The following PCNX3 variants were observed in gnomAD, a reference collection of about 807,000 sequenced individuals.
The protein encoded by PCNX3 is pecanex 3.
PCNX3 carries 58 observed loss-of-function variants against 207.2 expected under a neutral mutation model. The observed-to-expected ratio is 0.28, with a 90% CI of 0.23 to 0.35. PCNX3 has a LOEUF of 0.35. Among genes scored for constraint, PCNX3 ranks in the 10% least tolerant of loss-of-function variants. The pLI is 1.00. For synonymous variants in PCNX3, 1,337 were observed against 1,183.5 expected, an observed-to-expected ratio of 1.13 and a Z score of -2.66; for missense variants, 2,410 against 2,774.4, an observed-to-expected ratio of 0.87 and a Z score of 2.95.
chr11:65,633,364 G>A (rs1384440704), intron 27 of PCNX3, among the ~76,000 whole-genome samples: 1 of 152,176 alleles, frequency 6.6e-6, no homozygotes, highest in Non-Finnish European at 1.5e-5. Flanking sequence ...TTTCTGAGGC[G>A]AGGCCTGATG....
chr11:65,633,090 G>A (rs376780227), intron 27 of PCNX3, among the ~76,000 whole-genome samples: 43 of 152,246 alleles, frequency 2.8e-4, no homozygotes, highest in Middle Eastern at 3.4e-3. Context: ...GGTGGTGCCT[G>A]GATTGTAGAG....
rs777607461 is a variant in PCNX3, at chr11:65,616,886, T to C, written c.216T>C (p.Ala72=). ...GCCTCGTGGTGGCTGTCATCTTTGC[T>C]ACTATCAAGACTGTCAATTATCGGC... is the stretch of plus-strand genomic sequence containing the variant. The part of the protein sequence containing the change: ...VYCLVVAVIF[A]TIKTVNYRLH... Residue 72 remains alanine (A), a synonymous_variant, in exon 2 of 35, where the codon GCT becomes GCC. Coordinates refer to ENST00000355703, the MANE Select transcript of PCNX3 (RefSeq NM_032223.4). 4.3e-6 allele frequency: 7 copies of C among 1,613,584 alleles called. No individual in the cohort carries two copies. The highest frequency in any genetic ancestry group is 1.1e-5 in the South Asian group (1 of 91,086).
In PCNX3 at chr11:65,619,835, T is replaced by C; in HGVS notation, c.1911T>C (p.Ser637=). 6.2e-7 allele frequency: 1 copy of C among 1,607,374 alleles called. No homozygotes were observed. Among genetic ancestry groups the C allele is most frequent in the South Asian group, 1.1e-5 (1 of 90,562 alleles). ...TGCCCTCTGCGCTGCATTTCGCCTC[T>C]TCACTGTTGCTCACCCGGGCCGGTG... ...LTLPSALHFA[S]SLLLTRAGAN... The change falls in exon 8 of 35, where the codon TCT becomes TCC. Residue 637 remains serine (S), a synonymous_variant. Coordinates refer to ENST00000355703, the MANE Select transcript of PCNX3 (RefSeq NM_032223.4).
In PCNX3 at chr11:65,629,845, C is replaced by T. The variant is rs572202726; in HGVS notation, c.4216+110C>T. Reference sequence around the variant, plus strand: ...TCCAGTCCAGCTCTGTCCAGGCTGGCGGGTGGCCTTGGGCAAGGCACTCCT... The same window carrying T: ...TCCAGTCCAGCTCTGTCCAGGCTGGTGGGTGGCCTTGGGCAAGGCACTCCT... On this transcript the variant is annotated intron_variant, in intron 26 of 34. Transcript: ENST00000355703. 71 of 1,269,904 alleles carry T rather than the reference C, an allele frequency of 5.6e-5. 1 individual carries two copies. In the Admixed American group the frequency reaches 7.0e-4, roughly 12 times the overall value. 78.7% of individuals were successfully genotyped at this position (1,269,904 alleles called of 1,614,324 possible). A position where few individuals can be genotyped will look rare whatever the true frequency, so the allele number is the denominator to read the frequency against.
At chr11:65,630,328 G>T in intron 26 of PCNX3, 23 bp from the exon 27 acceptor site, 2 of 1,609,810 alleles carry the variant, frequency 1.2e-6, no homozygotes, top group Non-Finnish European at 1.7e-6. Context: ...AGCAGCCCCT[G>T]ACTGCACACC....
At position 65,616,447 on chromosome 11, in the gene PCNX3, C is replaced by G; in HGVS notation, c.136C>G (p.Pro46Ala). ...LYVWIFLLIF[P>A]FLLYMVLPPS... The stretch of plus-strand genomic sequence containing the variant: ...TGTCTGGATCTTCCTGCTCATCTTT[C>G]CCTTCTTACTGTACATGGTGAGACG... The change falls in exon 1 of 35, where the codon CCC (proline) becomes GCC (alanine). Residue 46 changes from proline (P) to alanine (A), a missense_variant. Pro to Ala is a conservative substitution (Grantham distance 27). Around this residue, in one of 8 missense-constraint regions of PCNX3, gnomAD observed 1,104 missense variants for 970.3 expected, o/e 1.14. Coordinates refer to ENST00000355703, the MANE Select transcript of PCNX3 (RefSeq NM_032223.4). 1 of 1,608,460 alleles carries G rather than the reference C, an allele frequency of 6.2e-7. No individual in the cohort carries two copies.
chr11:65,627,381 C>T (rs1740122386), intron 21 of PCNX3, 24 bp from the exon 22 acceptor site: 5 of 1,601,714 alleles, frequency 3.1e-6, no homozygotes, highest in Non-Finnish European at 4.2e-6. Context: ...TACCAAGCAC[C>T]CGATGCCTGC....
Position 65,634,305 on chromosome 11 carries a change from T to C in PCNX3, c.4650T>C (p.Phe1550=). ...LRLSGLSLPS[F]CAVHLEWIQY... ...TGTCTGGCCTCTCGCTGCCCTCCTT[T>C]TGTGCTGTGCACCTCGAGTGGATCC... Residue 1550 remains phenylalanine (F), a synonymous_variant, in exon 28 of 35, where the codon TTT becomes TTC. Coordinates refer to ENST00000355703, the MANE Select transcript of PCNX3 (RefSeq NM_032223.4). The C allele has an allele frequency of 1.2e-6, 2 of 1,608,828 alleles. No individual in the cohort carries two copies. The highest frequency in any genetic ancestry group is 1.7e-6 in the Non-Finnish European group (2 of 1,177,908).
intron 5 of PCNX3, 99 bp downstream of exon 5, chr11:65,617,805 C>A (rs1017659575): frequency 9.5e-6 from 14 of 1,477,838 alleles, no homozygotes; most frequent in Non-Finnish European, 1.3e-5. Context: ...CCTCTGTATT[C>A]CTCTGTGGGA....
rs1855780115 is a variant in PCNX3 at position 65,635,232 on chromosome 11, C to A, written c.4968C>A (p.Ser1656=). Reference sequence around the variant, plus strand: ...TTCTCTACCAGGACCACTTCACGTCCCCAGATGAATATGAGGAGCCAGCAG... The same window carrying A: ...TTCTCTACCAGGACCACTTCACGTCACCAGATGAATATGAGGAGCCAGCAG... ...ALKLHQDHFT[S]PDEYEEPAAL... is the part of the protein sequence containing the mutation. The change falls in exon 31 of 35, where the codon TCC becomes TCA. Residue 1656 remains serine, a synonymous_variant. Transcript: ENST00000355703. The surrounding 1 kb of genome is among the most constrained non-coding windows in gnomAD (Gnocchi z 9.9). 1 of 1,587,354 alleles carries A rather than the reference C, an allele frequency of 6.3e-7. No individual in the cohort carries two copies. The highest frequency in any genetic ancestry group is 8.6e-7 in the Non-Finnish European group (1 of 1,167,062).
At position 65,624,457 on chromosome 11, in the gene PCNX3, C is replaced by T. The variant is rs1225430024; in HGVS notation, c.2717-14C>T. 2 of 1,579,172 alleles carry T rather than the reference C, an allele frequency of 1.3e-6. No homozygotes were observed. Among genetic ancestry groups the T allele is most frequent in the South Asian group, 1.2e-5 (1 of 86,054 alleles). The stretch of plus-strand genomic sequence containing the variant: ...CAGCAGGCTGACCAGGCCTTCGTGT[C>T]CCCTCCCTGCCAGTGTTCACCCTGT... On this transcript the variant is annotated splice_polypyrimidine_tract_variant and intron_variant, in intron 14 of 34. Coordinates refer to ENST00000355703, the MANE Select transcript of PCNX3 (RefSeq NM_032223.4).
chr11:65,622,486 G>T, intron 11 of PCNX3, 120 bp downstream of exon 11: 1 of 1,303,332 alleles, frequency 7.7e-7, no homozygotes, highest in South Asian at 1.6e-5. Context: ...GGAAGCTGAG[G>T]GCCTGTCGTT....
At chr11:65,629,022 A>C in intron 24 of PCNX3, 74 bp downstream of exon 24, 6 of 1,570,194 alleles carry the variant, frequency 3.8e-6, no homozygotes, top group Non-Finnish European at 5.2e-6. Context: ...GCTGGAGGCC[A>C]CCCACAGAGG....
intron 21 of PCNX3, 147 bp downstream of exon 21, chr11:65,627,195 G>A (rs1855437105): frequency 1.6e-6 from 2 of 1,278,626 alleles, no homozygotes; most frequent in Non-Finnish European, 2.1e-6. Context: ...GCCATCCCAG[G>A]AAGTGGTTGC....
rs1787031 is a variant in PCNX3, at chr11:65,617,021, G to T, written c.341+10G>T. ...ACAGCAATCCACCCAGGTGGGTGGG[G>T]TAGGGGCTGTGCTGGGGATTGAGGG... is the stretch of plus-strand genomic sequence containing the variant. On this transcript the variant is annotated intron_variant, in intron 2 of 34. Coordinates refer to ENST00000355703, the MANE Select transcript of PCNX3 (RefSeq NM_032223.4). 6.3e-7 allele frequency: 1 copy of T among 1,598,120 alleles called. No individual in the cohort carries two copies. The highest frequency in any genetic ancestry group is 8.5e-7 in the Non-Finnish European group (1 of 1,172,568).
chr11:65,617,648 T>A lies in PCNX3; in HGVS notation c.519T>A (p.Asn173Lys), dbSNP rs777997538. The change falls in exon 5 of 35, where the codon AAT (asparagine) becomes AAA (lysine). Residue 173 changes from asparagine (N) to lysine (K), a missense_variant. Transcript: ENST00000355703. The stretch of plus-strand genomic sequence containing the variant: ...TGGTGCGGGAGCAGGGCAGCAACAA[T>A]GTGATCGTGACTTCTGCCGACCGAG... ...KELVREQGSN[N>K]VIVTSADREM... is the part of the protein sequence containing the mutation. 1.2e-6 allele frequency: 2 copies of A among 1,600,662 alleles called. No individual in the cohort carries two copies. The highest frequency in any genetic ancestry group is 2.2e-5 in the South Asian group (2 of 89,644).
chr11:65,621,210 C>T (rs1435462732), intron 10 of PCNX3, among the ~76,000 whole-genome samples: 1 of 152,188 alleles, frequency 6.6e-6, no homozygotes, highest in Non-Finnish European at 1.5e-5. Flanking sequence ...ATTCCTAACT[C>T]TGGAGGGTCC....
Position 65,624,907 on chromosome 11 carries a change from CT to C in PCNX3, c.2828-16del, listed in dbSNP as rs758616412. On this transcript the variant is annotated splice_polypyrimidine_tract_variant and intron_variant, in intron 15 of 34. Coordinates refer to ENST00000355703, the MANE Select transcript of PCNX3 (RefSeq NM_032223.4). ...ACCTGCAAGTGAGAGCTGGGCTGTACTTCTCCCTTCCACACAGCTGCCACCA... is the reference window on the plus strand; with the variant it reads ...ACCTGCAAGTGAGAGCTGGGCTGTACTCTCCCTTCCACACAGCTGCCACCA... The C allele has an allele frequency of 2.5e-6, 4 of 1,599,246 alleles. No homozygotes were observed. The highest frequency in any genetic ancestry group is 1.7e-6 in the Non-Finnish European group (2 of 1,174,898).
intron 8 of PCNX3, 32 bp downstream of exon 8, chr11:65,619,964 C>A: frequency 6.4e-7 from 1 of 1,563,934 alleles, no homozygotes; most frequent in Non-Finnish European, 8.7e-7. Context: ...TGGCCCAGTG[C>A]CTCCCCGCCT....
Sources: allele counts gnomAD v4.1 joint callset (sites outside exome capture counted in the v4.1 genomes callset), GRCh38; gene constraint gnomAD v4.1.1; regional missense constraint gnomAD v4.1.1; non-coding constraint Gnocchi (gnomAD v3.1); transcripts MANE v1.5; gene names NCBI Gene and HGNC (gene_info 2026-07-23, HGNC 2026-07-21).